ABRAXAS2: variants seen among roughly 807,000 people sequenced by gnomAD.
ABRAXAS2 encodes BRISC complex subunit Abraxas 2.
A neutral mutation model predicts 49.0 loss-of-function variants in ABRAXAS2; 23 were observed. The observed-to-expected ratio is 0.47, with a 90% CI of 0.34 to 0.66. The LOEUF (loss-of-function observed/expected upper bound fraction) is 0.66, where lower values mean the gene tolerates loss of function less well. Among genes scored for constraint, ABRAXAS2 ranks in the 30% least tolerant of loss-of-function variants. ABRAXAS2 has a pLI of 0.01. For synonymous variants in ABRAXAS2, 168 were observed against 180.2 expected, an observed-to-expected ratio of 0.93 and a Z score of 0.54; for missense variants, 443 against 511.9, an observed-to-expected ratio of 0.87 and a Z score of 1.30.
At chr10:124,812,817 T>C (rs1950799001) in intron 2 of ABRAXAS2, among the ~76,000 whole-genome samples, 1 of 152,212 alleles carries the variant, frequency 6.6e-6, no homozygotes, top group African/African-American at 2.4e-5. Flanking sequence ...ATACCATAAA[T>C]TGACCAAATT....
Position 124,834,612 on chromosome 10 carries a change from G to A in ABRAXAS2, c.889G>A (p.Gly297Arg), listed in dbSNP as rs1445917853. 3 of 1,614,056 alleles carry A rather than the reference G, an allele frequency of 1.9e-6. No homozygotes were observed. In the African/African-American group the frequency reaches 4.0e-5, roughly 22 times the overall value. The part of the protein sequence containing the change: ...GFAAEGRSTL[G>R]DAEASDPPPP... ...TGCAGCTGAAGGCAGAAGTACACTT[G>A]GAGATGCAGAGGCCTCGGATCCTCC... The change falls in exon 9 of 9, where the codon GGA (glycine) becomes AGA (arginine). Residue 297 changes from glycine (G) to arginine (R), a missense_variant. Around this residue, in one of 3 missense-constraint regions of ABRAXAS2, gnomAD observed 230 missense variants for 237.0 expected, o/e 0.97. Coordinates refer to ENST00000298492, the MANE Select transcript of ABRAXAS2 (RefSeq NM_032182.4).
At chr10:124,806,682 G>C in intron 1 of ABRAXAS2, 149 bp from the exon 2 acceptor site, 1 of 532,138 alleles carries the variant, frequency 1.9e-6, no homozygotes, top group East Asian at 3.0e-5. Flanking sequence ...GCTTTAGACT[G>C]TTTGTTGGTT....
At position 124,812,016 on chromosome 10, in the gene ABRAXAS2, A is replaced by G. The variant is rs950196823; in HGVS notation, c.164-4560A>G. 2.6e-5 allele frequency among the ~76,000 whole-genome samples: 4 copies of G among 152,132 alleles called. No individual in the cohort carries two copies. In the East Asian group the frequency reaches 5.8e-4, roughly 22 times the overall value. The stretch of plus-strand genomic sequence containing the variant: ...GGTCTTGAACTCCCGACCTTGGGTG[A>G]TCCGCCCACCTTGGCCTCCCAAAGT... On this transcript the variant is annotated intron_variant, in intron 2 of 8. Transcript: ENST00000298492.
chr10:124,802,784 TG>T (rs1950714891), intron 1 of ABRAXAS2, among the ~76,000 whole-genome samples: 1 of 152,218 alleles, frequency 6.6e-6, no homozygotes, highest in Non-Finnish European at 1.5e-5. Flanking sequence ...AACCTATGTG[TG>T]GGGTTTTTGG....
intron 2 of ABRAXAS2, among the ~76,000 whole-genome samples, chr10:124,808,367 G>A (rs966051369): frequency 3.3e-5 from 5 of 151,984 alleles, no homozygotes; most frequent in South Asian, 2.1e-4. Context: ...TAGTAGAGAC[G>A]GGTTTTCACC....
chr10:124,826,078 G>A (rs1950894492), intron 4 of ABRAXAS2, among the ~76,000 whole-genome samples: 1 of 152,202 alleles, frequency 6.6e-6, no homozygotes, highest in Non-Finnish European at 1.5e-5. Context: ...AAATAGATTT[G>A]TTGAGGTAAA....
At chr10:124,803,371 A>G (rs547818658) in intron 1 of ABRAXAS2, among the ~76,000 whole-genome samples, 1 of 152,224 alleles carries the variant, frequency 6.6e-6, no homozygotes, top group Non-Finnish European at 1.5e-5. Flanking sequence ...GAATCCTTGA[A>G]AATAATTTCA....
At chr10:124,834,466 C>G (rs371863642) in intron 8 of ABRAXAS2, 36 bp from the exon 9 acceptor site, 396 of 1,553,750 alleles carry the variant, frequency 2.5e-4, no homozygotes, top group Non-Finnish European at 3.4e-4. Context: ...CTGTGAGAAT[C>G]TAGAAAGTGT....
Position 124,834,756 on chromosome 10 carries a change from A to G in ABRAXAS2, c.1033A>G (p.Thr345Ala). 6.2e-7 allele frequency: 1 copy of G among 1,614,078 alleles called. No individual in the cohort carries two copies. Among genetic ancestry groups the G allele is most frequent in the South Asian group, 1.1e-5 (1 of 91,074 alleles). The part of the protein sequence containing the change: ...QAVGSSNYAS[T>A]SAGLKYPGSG... ...TGTGGGCTCTTCCAATTATGCTTCC[A>G]CCAGTGCCGGACTGAAGTATCCTGG... is the stretch of plus-strand genomic sequence containing the variant. The change falls in exon 9 of 9, where the codon ACC (threonine) becomes GCC (alanine). Residue 345 changes from threonine to alanine, a missense_variant. Transcript: ENST00000298492.
At chr10:124,809,464 T>C (rs1459540645) in intron 2 of ABRAXAS2, among the ~76,000 whole-genome samples, 2 of 71,436 alleles carry the variant, frequency 2.8e-5, no homozygotes, top group African/African-American at 4.9e-5. Context: ...TTTGTATTTT[T>C]AGTAGAGACG....
At chr10:124,804,828 C>T (rs1408499542) in intron 1 of ABRAXAS2, among the ~76,000 whole-genome samples, 1 of 151,472 alleles carries the variant, frequency 6.6e-6, no homozygotes, top group Non-Finnish European at 1.5e-5. Context: ...ATTCTTCTGC[C>T]TCAGCCACTC....
At chr10:124,807,104 A>G (rs955639904) in intron 2 of ABRAXAS2, among the ~76,000 whole-genome samples, 183 bp downstream of exon 2, 28 of 150,574 alleles carry the variant, frequency 1.9e-4, no homozygotes, top group African/African-American at 6.8e-4. Flanking sequence ...CGAGGTCAGG[A>G]GATCGAGACC....
chr10:124,822,183 T>C (rs770801812), intron 4 of ABRAXAS2, among the ~76,000 whole-genome samples: 4 of 152,214 alleles, frequency 2.6e-5, no homozygotes, highest in Non-Finnish European at 5.9e-5. Context: ...ATCAGTTCTG[T>C]TGGCGCTTCC....
intron 1 of ABRAXAS2, among the ~76,000 whole-genome samples, chr10:124,802,746 G>C (rs1272376590): frequency 6.6e-6 from 1 of 152,204 alleles, no homozygotes; most frequent in East Asian, 1.9e-4. Context: ...TTTAAGTGAT[G>C]TTAATAGTGA....
chr10:124,805,639 T>C (rs1026022781), intron 1 of ABRAXAS2, among the ~76,000 whole-genome samples: 4 of 152,106 alleles, frequency 2.6e-5, no homozygotes, highest in East Asian at 1.9e-4. Flanking sequence ...TTTATAAATA[T>C]GTAATATGAT....
At position 124,816,618 on chromosome 10, in the gene ABRAXAS2, C is replaced by T; in HGVS notation, c.200+6C>T. ...CCTTGTTCAAAACTTTTTAGGTAAG[C>T]CATATGTAAGCTTTTAGTCCTTACT... On this transcript the variant is annotated splice_donor_region_variant and intron_variant, in intron 3 of 8. Coordinates refer to ENST00000298492, the MANE Select transcript of ABRAXAS2 (RefSeq NM_032182.4). 6.3e-7 allele frequency: 1 copy of T among 1,597,052 alleles called. No individual in the cohort carries two copies. The highest frequency in any genetic ancestry group is 8.6e-7 in the Non-Finnish European group (1 of 1,166,248).
rs987170238 is a variant in ABRAXAS2, at chr10:124,806,727, G to A, written c.73-104G>A. On this transcript the variant is annotated intron_variant, in intron 1 of 8. Coordinates refer to ENST00000298492, the MANE Select transcript of ABRAXAS2 (RefSeq NM_032182.4). ...GTGGTTTACATGGGAAGCTTGTTTGGATTATTGTGAAAATTATAAATTTAT... is the reference window on the plus strand; with the variant it reads ...GTGGTTTACATGGGAAGCTTGTTTGAATTATTGTGAAAATTATAAATTTAT... 18 of 733,700 alleles carry A rather than the reference G, an allele frequency of 2.5e-5. No homozygotes were observed. In the Middle Eastern group the frequency reaches 1.5e-3, roughly 59 times the overall value. 45.4% of individuals were successfully genotyped at this position (733,700 alleles called of 1,614,324 possible). A position where few individuals can be genotyped will look rare whatever the true frequency, so the allele number is the denominator to read the frequency against.
intron 7 of ABRAXAS2, among the ~76,000 whole-genome samples, chr10:124,829,813 A>G (rs1950919349): frequency 6.6e-6 from 1 of 152,226 alleles, no homozygotes. Flanking sequence ...GACAATATCA[A>G]AAGGCAGCCA....
chr10:124,812,534 T>C lies in ABRAXAS2; in HGVS notation c.164-4042T>C, dbSNP rs1038347281. 6.6e-5 allele frequency among the ~76,000 whole-genome samples: 10 copies of C among 152,250 alleles called. No individual in the cohort carries two copies. In the East Asian group the frequency reaches 1.9e-3, roughly 29 times the overall value. On this transcript the variant is annotated intron_variant, in intron 2 of 8. Coordinates refer to ENST00000298492, the MANE Select transcript of ABRAXAS2 (RefSeq NM_032182.4). ...GGCACACACCTGTAGTCTCAGCTAC[T>C]TGGGAGGCTGTGGTGGGAGGATCAC...
Sources: gnomAD v4.1 joint callset for allele counts (sites outside exome capture counted in the v4.1 genomes callset) on GRCh38, gnomAD v4.1.1 for gene constraint, gnomAD v4.1.1 regional missense constraint, MANE v1.5 for transcripts, NCBI Gene and HGNC (gene_info 2026-07-23, HGNC 2026-07-21) for gene names.